Variants in DYNC1I2 observed in about 807,000 individuals in gnomAD.
DYNC1I2 encodes cytoplasmic dynein 1 intermediate chain 2.
A neutral mutation model predicts 88.6 loss-of-function variants in DYNC1I2; 53 were observed. That is an observed-to-expected ratio of 0.60 (90% CI 0.48 to 0.75). DYNC1I2 has a LOEUF of 0.75. Among genes scored for constraint, DYNC1I2 ranks in the 30% least tolerant of loss-of-function variants. The probability of loss-of-function intolerance (pLI) is 0.00; values close to 1 mark genes in which losing one functional copy is unlikely to be tolerated. For missense variants in DYNC1I2, 458 were observed against 766.6 expected (o/e 0.60, Z 4.75); for synonymous variants, 198 against 254.6 (o/e 0.78, Z 2.12).
Position 171,729,707 on chromosome 2 carries a change from A to G in DYNC1I2, c.1392-2A>G. ...CTAACATTTTCACTTTTATGAAATT[A>G]GCAAAGCTGGAATCAGTGAGATGTT... On this transcript the variant is annotated splice_acceptor_variant, in intron 14 of 17. Coordinates refer to ENST00000397119, the MANE Select transcript of DYNC1I2 (RefSeq NM_001378.3). LOFTEE classifies it high-confidence loss of function. 6.2e-7 allele frequency: 1 copy of G among 1,612,184 alleles called. No individual in the cohort carries two copies. Among genetic ancestry groups the G allele is most frequent in the Non-Finnish European group, 8.5e-7 (1 of 1,179,672 alleles).
chr2:171,743,925 A>C (rs1366042401), intron 15 of DYNC1I2, 124 bp from the exon 16 acceptor site: 19 of 851,522 alleles, frequency 2.2e-5, no homozygotes, highest in Non-Finnish European at 3.1e-5. Context: ...TTCTAGGCTG[A>C]GTTAAATATC....
chr2:171,697,895 T>C (rs1462021486), intron 3 of DYNC1I2, among the ~76,000 whole-genome samples: 1 of 151,986 alleles, frequency 6.6e-6, no homozygotes, highest in Non-Finnish European at 1.5e-5. Context: ...AGAAGCTTGA[T>C]TCACTTTAGG....
At chr2:171,702,617 A>T (rs1338791057) in intron 3 of DYNC1I2, among the ~76,000 whole-genome samples, 5 of 152,144 alleles carry the variant, frequency 3.3e-5, no homozygotes, top group African/African-American at 9.7e-5. Context: ...TTATTTTAAA[A>T]AATCAATCTA....
At chr2:171,738,045 TACTC>T (rs1169198423) in intron 15 of DYNC1I2, among the ~76,000 whole-genome samples, 2 of 151,978 alleles carry the variant, frequency 1.3e-5, no homozygotes, top group East Asian at 3.9e-4. Context: ...GAGTAGAAAA[TACTC>T]AGCCAGGCGC....
At chr2:171,745,137 T>C (rs1340309334) in intron 16 of DYNC1I2, among the ~76,000 whole-genome samples, 2 of 152,236 alleles carry the variant, frequency 1.3e-5, no homozygotes, top group Non-Finnish European at 2.9e-5. Flanking sequence ...AATTTTATCA[T>C]ACTTTTAGTC....
At chr2:171,700,419 A>G (rs1403674418) in intron 3 of DYNC1I2, among the ~76,000 whole-genome samples, 3 of 152,212 alleles carry the variant, frequency 2.0e-5, no homozygotes, top group East Asian at 3.8e-4. Context: ...GAATTTACCC[A>G]TAAATCAAAG....
intron 15 of DYNC1I2, among the ~76,000 whole-genome samples, chr2:171,741,286 C>G (rs1244999799): frequency 6.6e-6 from 1 of 152,102 alleles, no homozygotes; most frequent in Non-Finnish European, 1.5e-5. Context: ...TTATTTCTCT[C>G]GGGTATATAC....
chr2:171,744,203 T>TA lies in DYNC1I2; in HGVS notation c.1677+16dup, dbSNP rs767558825. On this transcript the variant is annotated intron_variant, in intron 16 of 17. Coordinates refer to ENST00000397119, the MANE Select transcript of DYNC1I2 (RefSeq NM_001378.3). ...AATGACACAGAGGTGAGCAGGAAAATAACAAAAATTGCATTGAAAAATAGA... is the reference window on the plus strand; with the variant it reads ...AATGACACAGAGGTGAGCAGGAAAATAAACAAAAATTGCATTGAAAAATAGA... The TA allele has an allele frequency of 8.6e-5, 135 of 1,566,908 alleles. No individual in the cohort carries two copies. Among genetic ancestry groups the TA allele is most frequent in the Middle Eastern group, 1.7e-4 (1 of 5,852 alleles).
intron 10 of DYNC1I2, 71 bp from the exon 11 acceptor site, chr2:171,726,720 C>G (rs749248971): frequency 6.4e-7 from 1 of 1,562,774 alleles, no homozygotes; most frequent in Non-Finnish European, 8.7e-7. Context: ...CTGATAAAGA[C>G]AAATAACTAG....
At chr2:171,710,914 A>G (rs1190402189) in intron 5 of DYNC1I2, among the ~76,000 whole-genome samples, 1 of 151,148 alleles carries the variant, frequency 6.6e-6, no homozygotes, top group Non-Finnish European at 1.5e-5. Context: ...ACATGTGCAC[A>G]ATGTGCAGGT....
At chr2:171,702,449 G>A (rs1334510584) in intron 3 of DYNC1I2, among the ~76,000 whole-genome samples, 1 of 152,050 alleles carries the variant, frequency 6.6e-6, no homozygotes, top group African/African-American at 2.4e-5. Flanking sequence ...TACAGGATAC[G>A]GATGAAGGCC....
rs1024495668 is a variant in DYNC1I2 at position 171,728,021 on chromosome 2, A to G, written c.1143+54A>G. On this transcript the variant is annotated intron_variant, in intron 12 of 17. Transcript: ENST00000397119. Reference sequence around the variant, plus strand: ...CTTCTGTGCTCCTTCATCCTTAGCTATAATACTTAGTAGTGGCCATCAGAG... The same window carrying G: ...CTTCTGTGCTCCTTCATCCTTAGCTGTAATACTTAGTAGTGGCCATCAGAG... 1.5e-4 allele frequency: 229 copies of G among 1,578,844 alleles called. 1 individual carries two copies. The highest frequency in any genetic ancestry group is 1.9e-4 in the Non-Finnish European group (221 of 1,162,030).
rs566021714 is a variant in DYNC1I2, at chr2:171,698,495, C to G, written c.226+5601C>G. Among the ~76,000 whole-genome samples the G allele has an allele frequency of 4.6e-5, 7 of 152,088 alleles. No homozygotes were observed. The South Asian group carries it at 1.5e-3, about 32-fold the overall frequency. On this transcript the variant is annotated intron_variant, in intron 3 of 17. Coordinates refer to ENST00000397119, the MANE Select transcript of DYNC1I2 (RefSeq NM_001378.3). ...CGCCTCCCAGGCTTAAGCAATTCTC[C>G]CACTTCAACCACCCGGGTAGCTGGG...
At chr2:171,739,385 AATAAT>A (rs1170964566) in intron 15 of DYNC1I2, among the ~76,000 whole-genome samples, 2 of 152,128 alleles carry the variant, frequency 1.3e-5, no homozygotes, top group Admixed American at 6.5e-5. Flanking sequence ...AAGCAGAGGG[AATAAT>A]ATAATGAAGC....
chr2:171,745,721 G>T, intron 16 of DYNC1I2, 81 bp from the exon 17 acceptor site: 1 of 1,416,226 alleles, frequency 7.1e-7, no homozygotes, highest in South Asian at 1.6e-5. Context: ...TAGCCAGCTT[G>T]AGAGAAGAAT....
chr2:171,726,328 T>TATAA, intron 10 of DYNC1I2, 35 bp downstream of exon 10: 1 of 1,411,132 alleles, frequency 7.1e-7, no homozygotes, highest in Non-Finnish European at 9.7e-7. Context: ...TCTTAACTCA[T>TATAA]TTTTAAAATT....
In DYNC1I2 at chr2:171,715,536, T is replaced by C. The variant is rs111275701; in HGVS notation, c.511+93T>C. On this transcript the variant is annotated intron_variant, in intron 7 of 17. Coordinates refer to ENST00000397119, the MANE Select transcript of DYNC1I2 (RefSeq NM_001378.3). ...TCCTTTGATTTTTGTTTTGTTTCTT[T>C]TTTGCTTTTGTGTTTTGGCATGTTT... The C allele has an allele frequency of 3.9e-3, 3,536 of 895,902 alleles. 44 individuals carry two copies. Among genetic ancestry groups the C allele is most frequent in the African/African-American group, 0.035 (2,102 of 59,212 alleles). The allele number at this position is 895,902 out of a possible 1,614,324, so 55.5% of individuals were successfully genotyped here.
chr2:171,739,983 T>G (rs1266921340), intron 15 of DYNC1I2, among the ~76,000 whole-genome samples: 2 of 152,158 alleles, frequency 1.3e-5, no homozygotes, highest in African/African-American at 4.8e-5. Context: ...TCCAAAGTCC[T>G]GGGATTTTGA....
At chr2:171,730,677 A>T (rs1294866323) in intron 15 of DYNC1I2, among the ~76,000 whole-genome samples, 1 of 152,094 alleles carries the variant, frequency 6.6e-6, no homozygotes, top group Non-Finnish European at 1.5e-5. Flanking sequence ...CCAGCATCTG[A>T]TTCTATTTAA....
Sources: gnomAD v4.1 joint callset for allele counts (sites outside exome capture counted in the v4.1 genomes callset) on GRCh38, gnomAD v4.1.1 for gene constraint, MANE v1.5 for transcripts, NCBI Gene and HGNC (gene_info 2026-07-23, HGNC 2026-07-21) for gene names.